The following C9orf78 variants were observed in gnomAD, a reference collection of about 807,000 sequenced individuals.
The protein encoded by C9orf78 is splicing factor C9orf78.
In C9orf78, 19 loss-of-function variants were observed where a neutral mutation model predicts 37.4. The ratio of observed to expected loss-of-function variants is 0.51; its 90% CI spans 0.35 to 0.74. The LOEUF is 0.74. C9orf78 is among the 30% of genes least tolerant of loss of function. The pLI, the probability that C9orf78 is intolerant of heterozygous loss-of-function variation, is 0.01. For synonymous variants in C9orf78, 130 were observed against 128.0 expected (o/e 1.02, Z -0.10); for missense variants, 291 against 370.8 (o/e 0.78, Z 1.77).
At position 129,828,288 on chromosome 9, in the gene C9orf78, T is replaced by G. The variant is rs773943995; in HGVS notation, c.779-36A>C. ...AAAGAACAGGAAAGGTGGTTTGCCA[T>G]GCTGGAACCCACTGCTAGACTTTAC... On this transcript the variant is annotated intron_variant, in intron 8 of 8. Coordinates refer to ENST00000372447, the MANE Select transcript of C9orf78 (RefSeq NM_016520.3). 4 of 1,269,242 alleles carry G rather than the reference T, an allele frequency of 3.2e-6. No individual in the cohort carries two copies. In the East Asian group the frequency reaches 9.4e-5, roughly 30 times the overall value. 78.6% of individuals were successfully genotyped at this position (1,269,242 alleles called of 1,614,324 possible). A position where few individuals can be genotyped will look rare whatever the true frequency, so the allele number is the denominator to read the frequency against.
intron 3 of C9orf78, 39 bp downstream of exon 3, chr9:129,833,619 G>T: frequency 6.6e-7 from 1 of 1,520,034 alleles, no homozygotes; most frequent in Non-Finnish European, 9.1e-7. Flanking sequence ...ACTGCAGGGA[G>T]GGCTGCCATA....
At chr9:129,833,371 C>G in intron 4 of C9orf78, 76 bp downstream of exon 4, 1 of 809,532 alleles carries the variant, frequency 1.2e-6, no homozygotes, top group Non-Finnish European at 2.2e-6. Flanking sequence ...CTGCTACAGG[C>G]CCCAGCTCTC....
chr9:129,829,678 C>T (rs1363562444), intron 6 of C9orf78, 137 bp from the exon 7 acceptor site: 1 of 695,490 alleles, frequency 1.4e-6, no homozygotes, highest in African/African-American at 1.8e-5. Context: ...TTATCAAGCA[C>T]ACTTGTAGTC....
intron 8 of C9orf78, chr9:129,828,742 T>TA (rs1588221931): frequency 9.4e-5 from 23 of 243,876 alleles, no homozygotes; most frequent in Non-Finnish European, 1.5e-4. Context: ...TTCTTTTCTT[T>TA]AAAAAAAAGA....
Position 129,830,855 on chromosome 9 carries a change from G to C in C9orf78, c.542+16C>G, listed in dbSNP as rs1451572018. On this transcript the variant is annotated intron_variant, in intron 6 of 8. Transcript: ENST00000372447. ...TGGAAAGCACTGTGTCTTCTGCCTAGGGGTCTCAAACATACTCGATGCCCA... is the reference window on the plus strand; with the variant it reads ...TGGAAAGCACTGTGTCTTCTGCCTACGGGTCTCAAACATACTCGATGCCCA... 42 of 1,576,204 alleles carry C rather than the reference G, an allele frequency of 2.7e-5. No homozygotes were observed. Among genetic ancestry groups the C allele is most frequent in the Non-Finnish European group, 3.4e-5 (39 of 1,145,602 alleles).
chr9:129,832,750 T>G (rs2031533886), intron 4 of C9orf78, among the ~76,000 whole-genome samples: 1 of 152,000 alleles, frequency 6.6e-6, no homozygotes, highest in Non-Finnish European at 1.5e-5. Context: ...GAATTTATTA[T>G]TTTTGTTAAT....
chr9:129,827,973 A>G lies in C9orf78; in HGVS notation c.*188T>C. 2.7e-6 allele frequency: 1 copy of G among 372,654 alleles called. No homozygotes were observed. The highest frequency in any genetic ancestry group is 5.3e-6 in the Non-Finnish European group (1 of 189,102). 23.1% of individuals were successfully genotyped at this position (372,654 alleles called of 1,614,324 possible). A position where few individuals can be genotyped will look rare whatever the true frequency, so the allele number is the denominator to read the frequency against. ...GCCTGGCTAACTTTTCTGTATTTTCAGTAGAGACTGGGTTTCTCCATGTTG... is the reference window on the plus strand; with the variant it reads ...GCCTGGCTAACTTTTCTGTATTTTCGGTAGAGACTGGGTTTCTCCATGTTG... On this transcript the variant is annotated 3_prime_UTR_variant, in exon 9 of 9. Coordinates refer to ENST00000372447, the MANE Select transcript of C9orf78 (RefSeq NM_016520.3).
chr9:129,833,918 T>A (rs977357974), intron 2 of C9orf78: 18 of 574,714 alleles, frequency 3.1e-5, no homozygotes, highest in African/African-American at 3.0e-4. Context: ...GCGCTGGTGG[T>A]GAAGTGGTAC....
At position 129,829,849 on chromosome 9, in the gene C9orf78, G is replaced by T. The variant is rs142557394; in HGVS notation, c.543-308C>A. Reference sequence around the variant, plus strand: ...CTCCCAGCTTTCTACTGTACCAGAAGATTATTCTAACAATTGTACCTCTTC... The same window carrying T: ...CTCCCAGCTTTCTACTGTACCAGAATATTATTCTAACAATTGTACCTCTTC... On this transcript the variant is annotated intron_variant, in intron 6 of 8. Transcript: ENST00000372447. The T allele has an allele frequency of 1.1e-3, 277 of 250,244 alleles. 1 individual carries two copies. The highest frequency in any genetic ancestry group is 8.7e-4 in the Non-Finnish European group (114 of 130,668). The allele number at this position is 250,244 out of a possible 1,614,324, so 15.5% of individuals were successfully genotyped here.
intron 2 of C9orf78, 152 bp from the exon 3 acceptor site, chr9:129,833,861 A>G: frequency 3.2e-6 from 2 of 629,536 alleles, no homozygotes; most frequent in Non-Finnish European, 5.6e-6. Context: ...AAAGCCTATA[A>G]GCATAAGACA....
rs1008574884 is a variant in C9orf78 at position 129,828,075 on chromosome 9, G to C, written c.*86C>G. ...CCCAAAGTGCTGGGATTACAGGCAG[G>C]AGCCACCACGCCCGGCCAGGAAGCC... On this transcript the variant is annotated 3_prime_UTR_variant, in exon 9 of 9. Transcript: ENST00000372447. 5.3e-6 allele frequency: 4 copies of C among 752,466 alleles called. No individual in the cohort carries two copies. The highest frequency in any genetic ancestry group is 9.4e-6 in the Non-Finnish European group (4 of 425,672). 46.6% of individuals were successfully genotyped at this position (752,466 alleles called of 1,614,324 possible).
chr9:129,831,373 A>C (rs547480671), intron 5 of C9orf78: 5 of 399,910 alleles, frequency 1.3e-5, no homozygotes, highest in Non-Finnish European at 2.3e-5. Context: ...TTATCCCTGC[A>C]ATGTTTTGGG....
intron 6 of C9orf78, chr9:129,830,568 C>G (rs2031467659): frequency 2.7e-6 from 1 of 365,990 alleles, no homozygotes; most frequent in Admixed American, 3.9e-5. Context: ...GACTGGAGTG[C>G]AGTGGCATGA....
chr9:129,828,282 T>A, intron 8 of C9orf78, 30 bp from the exon 9 acceptor site: 4 of 1,382,644 alleles, frequency 2.9e-6, no homozygotes, highest in Non-Finnish European at 4.1e-6. Context: ...GAAAGGTGGT[T>A]TGCCATGCTG....
intron 5 of C9orf78, 34 bp downstream of exon 5, chr9:129,831,862 C>T (rs1278374511): frequency 2.8e-6 from 3 of 1,064,406 alleles, no homozygotes; most frequent in Non-Finnish European, 4.4e-6. Context: ...GAGTCCAGCC[C>T]CAACTGCTCA....
chr9:129,834,815 C>G, intron 1 of C9orf78, 49 bp from the exon 2 acceptor site: 1 of 1,434,194 alleles, frequency 7.0e-7, no homozygotes, highest in Non-Finnish European at 9.8e-7. Context: ...TGATTCCCCG[C>G]GGAATCCAAA....
intron 5 of C9orf78, 199 bp from the exon 6 acceptor site, chr9:129,831,267 T>C (rs2031488954): frequency 1.7e-6 from 1 of 593,060 alleles, no homozygotes; most frequent in African/African-American, 1.9e-5. Flanking sequence ...CCCACTAATC[T>C]ATTGGTGTTA....
At chr9:129,834,890 T>A (rs971467806) in intron 1 of C9orf78, 124 bp from the exon 2 acceptor site, 2 of 794,286 alleles carry the variant, frequency 2.5e-6, no homozygotes, top group Admixed American at 2.0e-5. Context: ...ACCAGCACAG[T>A]GGTCCAGAGG....
Position 129,833,649 on chromosome 9 carries a change from A to G in C9orf78, c.195+9T>C, listed in dbSNP as rs747684809. On this transcript the variant is annotated intron_variant, in intron 3 of 8. Coordinates refer to ENST00000372447, the MANE Select transcript of C9orf78 (RefSeq NM_016520.3). ...GCCATAACTACTCAGGGAAGACCCC[A>G]TAACTTACCACTAGAGTGGTCTCCT... 8.1e-6 allele frequency: 13 copies of G among 1,603,344 alleles called. No individual in the cohort carries two copies. The highest frequency in any genetic ancestry group is 6.8e-6 in the Non-Finnish European group (8 of 1,170,352).
Sources: gnomAD v4.1 joint callset for allele counts (sites outside exome capture counted in the v4.1 genomes callset) on GRCh38, gnomAD v4.1.1 for gene constraint, MANE v1.5 for transcripts, NCBI Gene and HGNC (gene_info 2026-07-23, HGNC 2026-07-21) for gene names.